The following HAUS2 variants were observed in gnomAD, a reference collection of about 807,000 sequenced individuals.
The protein encoded by HAUS2 is HAUS augmin-like complex subunit 2.
Under a neutral mutation model 21.6 loss-of-function variants are expected in HAUS2, and 20 were observed. That is an observed-to-expected ratio of 0.93 (90% CI 0.65 to 1.35). The LOEUF (loss-of-function observed/expected upper bound fraction) is 1.35, where lower values mean the gene tolerates loss of function less well. Among genes scored for constraint, HAUS2 ranks in the 40% most tolerant of loss-of-function variants. The probability of loss-of-function intolerance (pLI) is 0.00; values close to 1 mark genes in which losing one functional copy is unlikely to be tolerated. For missense variants in HAUS2, 297 were observed against 280.7 expected (o/e 1.06, Z -0.42); for synonymous variants, 113 against 95.6 (o/e 1.18, Z -1.06).
chr15:42,557,105 G>A (rs893576847), intron 1 of HAUS2, among the ~76,000 whole-genome samples: 33 of 149,526 alleles, frequency 2.2e-4, no homozygotes, highest in Non-Finnish European at 1.3e-4. Context: ...ATGAGGTCAG[G>A]AGATCGAGAC....
chr15:42,552,529 G>T (rs1208541211), intron 1 of HAUS2, among the ~76,000 whole-genome samples: 1 of 152,122 alleles, frequency 6.6e-6, no homozygotes, highest in African/African-American at 2.4e-5. Flanking sequence ...AGAAAACATA[G>T]CTTGTTTGAA....
chr15:42,551,772 T>G (rs72711767), intron 1 of HAUS2, among the ~76,000 whole-genome samples: 17,535 of 152,062 alleles, frequency 0.12, 1,141 homozygotes, highest in Non-Finnish European at 0.15. Context: ...TGAACTCTTT[T>G]TTGGGGGTGG....
chr15:42,559,284 C>T, intron 2 of HAUS2, 55 bp from the exon 3 acceptor site: 1 of 1,031,770 alleles, frequency 9.7e-7, no homozygotes, highest in Admixed American at 1.7e-5. Context: ...AGCCACCGCA[C>T]CTGGCCATGG....
intron 1 of HAUS2, among the ~76,000 whole-genome samples, chr15:42,552,000 A>G (rs2057730506): frequency 6.6e-6 from 1 of 151,394 alleles, no homozygotes; most frequent in Non-Finnish European, 1.5e-5. Context: ...ATACATAAAA[A>G]CTTTTGTCTC....
At chr15:42,566,557 GAATT>G in intron 5 of HAUS2, 46 bp from the exon 6 acceptor site, 3 of 979,620 alleles carry the variant, frequency 3.1e-6, no homozygotes, top group Non-Finnish European at 4.9e-6. Flanking sequence ...ATGATATAAT[GAATT>G]AATAAGAGAC....
In HAUS2 at chr15:42,569,986, T is replaced by C. The variant is rs537184850; in HGVS notation, c.*3170T>C. On this transcript the variant is annotated 3_prime_UTR_variant, in exon 6 of 6. Coordinates refer to ENST00000260372, the MANE Select transcript of HAUS2 (RefSeq NM_018097.3). ...AATATAAAAATAAACTTGTAATTTC[T>C]AACTAAAATTTTTTAGTCCTAGTCT... 6.6e-6 allele frequency: 1 copy of C among 152,344 alleles called. No homozygotes were observed. Among genetic ancestry groups the C allele is most frequent in the African/African-American group, 2.4e-5 (1 of 41,572 alleles). 9.4% of individuals were successfully genotyped at this position (152,344 alleles called of 1,614,324 possible).
chr15:42,554,853 G>A (rs1397897031), intron 1 of HAUS2, among the ~76,000 whole-genome samples: 2 of 151,516 alleles, frequency 1.3e-5, no homozygotes, highest in Non-Finnish European at 2.9e-5. Context: ...CTGAGACAGG[G>A]TCTCACTCTG....
At chr15:42,551,633 C>T (rs2057726464) in intron 1 of HAUS2, among the ~76,000 whole-genome samples, 2 of 151,824 alleles carry the variant, frequency 1.3e-5, no homozygotes, top group Admixed American at 1.3e-4. Context: ...ACAGTAAGAC[C>T]CTGTCTCAAA....
At chr15:42,557,344 T>TA (rs2057790710) in intron 1 of HAUS2, among the ~76,000 whole-genome samples, 1 of 16,542 alleles carries the variant, frequency 6.0e-5, no homozygotes, top group Admixed American at 5.7e-4. Flanking sequence ...ATAATATATA[T>TA]TTTATATATA....
Position 42,557,329 on chromosome 15 carries a change from T to A in HAUS2, c.94-869T>A, listed in dbSNP as rs780847781. ...AGACTCCATTTAAAAATATATATAT[T>A]ATATATAATATATATTTTATATATA... On this transcript the variant is annotated intron_variant, in intron 1 of 5. Coordinates refer to ENST00000260372, the MANE Select transcript of HAUS2 (RefSeq NM_018097.3). Among the ~76,000 whole-genome samples, 111 of 86,122 alleles carry A rather than the reference T, an allele frequency of 1.3e-3. 1 individual carries two copies. Among genetic ancestry groups the A allele is most frequent in the Middle Eastern group, 9.0e-3 (2 of 222 alleles). 56.5% of individuals were successfully genotyped at this position (86,122 alleles called of 152,430 possible).
intron 1 of HAUS2, among the ~76,000 whole-genome samples, chr15:42,552,292 G>A (rs370037362): frequency 1.3e-5 from 2 of 152,120 alleles, no homozygotes; most frequent in Non-Finnish European, 1.5e-5. Flanking sequence ...CCAAAGTGCC[G>A]GGATTACAGG....
chr15:42,563,059 G>A (rs2057866523), intron 4 of HAUS2, among the ~76,000 whole-genome samples: 1 of 150,610 alleles, frequency 6.6e-6, no homozygotes, highest in African/African-American at 2.4e-5. Flanking sequence ...ATTACAGTGA[G>A]CCGAGATTGT....
chr15:42,549,344 AC>A (rs2057695410), intron 1 of HAUS2, among the ~76,000 whole-genome samples: 1 of 151,746 alleles, frequency 6.6e-6, no homozygotes, highest in East Asian at 1.9e-4. Flanking sequence ...ATTTCCAACA[AC>A]CCTCGTTTGT....
chr15:42,559,396 C>T lies in HAUS2; in HGVS notation c.244C>T (p.Pro82Ser). The T allele has an allele frequency of 6.2e-7, 1 of 1,600,636 alleles. No homozygotes were observed. Among genetic ancestry groups the T allele is most frequent in the Non-Finnish European group, 8.6e-7 (1 of 1,167,864 alleles). Residue 82 changes from proline to serine, a missense_variant, in exon 3 of 6, where the codon CCT becomes TCT. Physicochemically the swap from Pro to Ser is moderately conservative, Grantham distance 74. Coordinates refer to ENST00000260372, the MANE Select transcript of HAUS2 (RefSeq NM_018097.3). ...AAAAGATACAGCAGATGTTGTTCATCCTTTCTTTTTGGGTAAGTGGTTTGG... is the reference window on the plus strand; with the variant it reads ...AAAAGATACAGCAGATGTTGTTCATTCTTTCTTTTTGGGTAAGTGGTTTGG... ...LEKDTADVVHPFFLAQKCHTL... is the reference protein window; with the variant it reads ...LEKDTADVVHSFFLAQKCHTL...
In HAUS2 at chr15:42,548,999, G is replaced by A. The variant is rs201932565; in HGVS notation, c.93+34G>A. 26 of 1,351,784 alleles carry A rather than the reference G, an allele frequency of 1.9e-5. No individual in the cohort carries two copies. The Admixed American group carries it at 5.0e-4, about 26-fold the overall frequency. The allele number at this position is 1,351,784 out of a possible 1,614,324, so 83.7% of individuals were successfully genotyped here. On this transcript the variant is annotated intron_variant, in intron 1 of 5. Coordinates refer to ENST00000260372, the MANE Select transcript of HAUS2 (RefSeq NM_018097.3). The stretch of plus-strand genomic sequence containing the variant: ...GGGTGGCGGTGGTGTCATCAAGGGG[G>A]TGCCCAAGGTGGCAACAATATGGCT...
rs2057840221 is a variant in HAUS2 at position 42,560,692 on chromosome 15, C to T, written c.257-578C>T. 2.8e-5 allele frequency: 18 copies of T among 643,510 alleles called. 1 individual carries two copies. The highest frequency in any genetic ancestry group is 1.8e-4 in the Admixed American group (8 of 44,708). 39.9% of individuals were successfully genotyped at this position (643,510 alleles called of 1,614,324 possible). ...AGTACAGGTCGCTGTAACTTCAACA[C>T]GTGGTTTCAACTGATTCTCTCAAGT... On this transcript the variant is annotated intron_variant, in intron 3 of 5. Coordinates refer to ENST00000260372, the MANE Select transcript of HAUS2 (RefSeq NM_018097.3).
intron 1 of HAUS2, among the ~76,000 whole-genome samples, chr15:42,556,072 A>T (rs953796637): frequency 6.6e-6 from 1 of 150,466 alleles, no homozygotes; most frequent in Non-Finnish European, 1.5e-5. Flanking sequence ...TCAGCCTCCC[A>T]AACTAGCTGA....
intron 1 of HAUS2, among the ~76,000 whole-genome samples, chr15:42,549,269 T>C (rs2057693544): frequency 6.6e-6 from 1 of 151,974 alleles, no homozygotes; most frequent in Admixed American, 6.6e-5. Flanking sequence ...TGATACTGCC[T>C]CTAGACTGTA....
chr15:42,556,922 TA>T, intron 1 of HAUS2, among the ~76,000 whole-genome samples: 1 of 151,282 alleles, frequency 6.6e-6, no homozygotes, highest in East Asian at 2.0e-4. Context: ...TGGGAAGCTG[TA>T]ATCCCAGCTA....
Sources: allele counts gnomAD v4.1 joint callset (sites outside exome capture counted in the v4.1 genomes callset), GRCh38; gene constraint gnomAD v4.1.1; transcripts MANE v1.5; gene names NCBI Gene and HGNC (gene_info 2026-07-23, HGNC 2026-07-21).